MYH16: variants seen among roughly 807,000 people sequenced by gnomAD.
The protein encoded by MYH16 is myosin heavy chain 16.
downstream of MYH16, among the ~76,000 whole-genome samples, chr7:99,308,212 T>C (rs1192549251): frequency 1.4e-5 from 2 of 148,124 alleles, no homozygotes; most frequent in Admixed American, 7.0e-5. Context: ...CTAGAATTGC[T>C]TGAACCCAGG....
At chr7:99,279,422 C>A in intron 21 of MYH16, 88 bp from the exon 4 acceptor site, 2 of 395,136 alleles carry the variant, frequency 5.1e-6, no homozygotes, top group South Asian at 1.8e-5. Context: ...ACCCCCAGGA[C>A]ACATTTGTTC....
At chr7:99,268,236 G>C (rs1429054073) in intron 18 of MYH16, among the ~76,000 whole-genome samples, 1 of 152,224 alleles carries the variant, frequency 6.6e-6, no homozygotes, top group Non-Finnish European at 1.5e-5. Flanking sequence ...ACTTGCGGGG[G>C]ACACTTGAGG....
chr7:99,306,624 C>G (rs1410877845), exon 42 of MYH16: 2 of 152,658 alleles, frequency 1.3e-5, no homozygotes. Flanking sequence ...CCAGGCCAAC[C>G]AGACCTTGGC....
intron 38 of MYH16, among the ~76,000 whole-genome samples, chr7:99,302,317 T>TACATACAC (rs1792609381): frequency 1.0e-5 from 1 of 95,562 alleles, no homozygotes; most frequent in Non-Finnish European, 2.0e-5. Flanking sequence ...AAAAAATATA[T>TACATACAC]ACACACACAC....
In MYH16 at chr7:99,239,596, A is replaced by G. The variant is rs961550952; in HGVS notation, n.210+558A>G. Among the ~76,000 whole-genome samples the G allele has an allele frequency of 1.3e-4, 20 of 152,188 alleles. 1 individual carries two copies. Among genetic ancestry groups the G allele is most frequent in the Non-Finnish European group, 2.9e-5 (2 of 68,038 alleles). Reference sequence around the variant, plus strand: ...GTGTTGCAAGGACCCAACCTGGCTAATGATGGCTTGCAGGGACTCAACCTG... The same window carrying G: ...GTGTTGCAAGGACCCAACCTGGCTAGTGATGGCTTGCAGGGACTCAACCTG... On this transcript the variant is annotated intron_variant and non_coding_transcript_variant, in intron 1 of 41. Transcript: ENST00000439784.
chr7:99,240,072 T>TTTTTTTTTTTGAG (rs1223935403), intron 1 of MYH16, among the ~76,000 whole-genome samples: 1 of 151,652 alleles, frequency 6.6e-6, no homozygotes, highest in African/African-American at 2.4e-5. Context: ...TGGTTTATTT[T>TTTTTTTTTTTGAG]AAATGGGTAA....
intron 30 of MYH16, chr7:99,290,836 A>T (rs1010888148): frequency 2.8e-4 from 43 of 151,690 alleles, no homozygotes; most frequent in African/African-American, 9.2e-4. Flanking sequence ...TCCCCATTTG[A>T]TGGATAAGAA....
At chr7:99,297,921 G>A in exon 36 of MYH16, 2 of 456,678 alleles carry the variant, frequency 4.4e-6, no homozygotes, top group Non-Finnish European at 8.8e-6. Flanking sequence ...TTCGAATTCA[G>A]TTGGAACTGG....
chr7:99,267,051 T>G (rs562885773), intron 18 of MYH16: 14 of 152,656 alleles, frequency 9.2e-5, no homozygotes, highest in African/African-American at 3.4e-4. Flanking sequence ...GGGTGTGGAT[T>G]CCACCTGACC....
chr7:99,279,549 T>C (rs1345624320), exon 22 of MYH16: 3 of 456,384 alleles, frequency 6.6e-6, no homozygotes, highest in Admixed American at 2.3e-5. Context: ...GCGCCTGACA[T>C]GGATGATGAA....
chr7:99,296,800 G>A (rs1162279089), exon 34 of MYH16: 1 of 456,780 alleles, frequency 2.2e-6, no homozygotes, highest in Non-Finnish European at 4.4e-6. Flanking sequence ...GGTGGAAGTG[G>A]ACAGCTCGCA....
At chr7:99,282,155 T>C (rs909263849) in intron 23 of MYH16, among the ~76,000 whole-genome samples, 1 of 151,846 alleles carries the variant, frequency 6.6e-6, no homozygotes, top group African/African-American at 2.4e-5. Flanking sequence ...CCCAAGTAGC[T>C]GGGATTACAG....
intron 22 of MYH16, among the ~76,000 whole-genome samples, chr7:99,280,465 C>G (rs1792187051): frequency 6.6e-6 from 1 of 152,226 alleles, no homozygotes; most frequent in Admixed American, 6.5e-5. Context: ...GCTCCTGATG[C>G]CATCTGGCTG....
At chr7:99,249,043 T>G (rs1459892782) in intron 4 of MYH16, 2 of 152,702 alleles carry the variant, frequency 1.3e-5, no homozygotes, top group Non-Finnish European at 2.9e-5. Context: ...CATCTCTGTC[T>G]ATACACATAT....
At chr7:99,248,247 A>G (rs1584340620) in intron 3 of MYH16, among the ~76,000 whole-genome samples, 1 of 152,314 alleles carries the variant, frequency 6.6e-6, no homozygotes, top group Non-Finnish European at 1.5e-5. Context: ...GATTACAGGC[A>G]TGTGCCACCA....
intron 33 of MYH16, among the ~76,000 whole-genome samples, chr7:99,295,338 C>T (rs937028831): frequency 1.3e-5 from 2 of 151,912 alleles, no homozygotes; most frequent in Non-Finnish European, 2.9e-5. Context: ...AATCGTGCCA[C>T]TGCACTCCAG....
intron 11 of MYH16, among the ~76,000 whole-genome samples, chr7:99,259,808 ATG>A (rs1405858871): frequency 5.5e-5 from 8 of 144,348 alleles, no homozygotes; most frequent in African/African-American, 7.5e-5. Flanking sequence ...TATTATATAT[ATG>A]TATGTATGTG....
intron 18 of MYH16, among the ~76,000 whole-genome samples, chr7:99,270,219 T>A (rs1358898899): frequency 6.6e-6 from 1 of 151,746 alleles, no homozygotes; most frequent in African/African-American, 2.4e-5. Flanking sequence ...TGCCTATAAT[T>A]CCTGCATTTT....
At chr7:99,290,119 T>C (rs2150826794) in intron 30 of MYH16, among the ~76,000 whole-genome samples, 1 of 152,342 alleles carries the variant, frequency 6.6e-6, no homozygotes, top group East Asian at 1.9e-4. Context: ...GTGGGCCTGT[T>C]AGTGCTCCGG....
Sources: allele counts gnomAD v4.1 joint callset (sites outside exome capture counted in the v4.1 genomes callset), GRCh38; gene constraint gnomAD v4.1.1; transcripts MANE v1.5; gene names NCBI Gene and HGNC (gene_info 2026-07-23, HGNC 2026-07-21).